Variants in FRAS1 observed in about 807,000 individuals in gnomAD.
FRAS1 encodes extracellular matrix organizing protein FRAS1.
FRAS1 carries 290 observed loss-of-function variants against 435.2 expected under a neutral mutation model. That is an observed-to-expected ratio of 0.67 (90% CI 0.61 to 0.73). The LOEUF is 0.73. FRAS1 is among the 30% of genes least tolerant of loss of function. The pLI is 0.00. For missense variants in FRAS1, 4,860 were observed against 5,001.5 expected (o/e 0.97, Z 0.85); for synonymous variants, 1,800 against 1,851.0 (o/e 0.97, Z 0.71).
intron 20 of FRAS1, among the ~76,000 whole-genome samples, chr4:78,347,755 G>C (rs1389003943): frequency 6.8e-6 from 1 of 146,946 alleles, no homozygotes; most frequent in Non-Finnish European, 1.5e-5. Flanking sequence ...ATGTGTATGT[G>C]TGTGTGTGTA....
At chr4:78,091,623 TTGTGTGTG>T (rs10631175) in intron 2 of FRAS1, among the ~76,000 whole-genome samples, 1,523 of 148,192 alleles carry the variant, frequency 0.01, 29 homozygotes, top group African/African-American at 0.036. Flanking sequence ...ACACGTGTGT[TTGTGTGTG>T]TGTGTGTGTG....
chr4:78,335,147 G>A (rs1049748926), intron 19 of FRAS1, among the ~76,000 whole-genome samples: 28 of 152,086 alleles, frequency 1.8e-4, no homozygotes, highest in African/African-American at 6.3e-4. Context: ...CTCTTAATGA[G>A]GTACTGCTCT....
intron 2 of FRAS1, among the ~76,000 whole-genome samples, chr4:78,152,607 CTTTTTTTTTT>C (rs71214398): frequency 1.4e-5 from 1 of 72,412 alleles, no homozygotes. Flanking sequence ...ATGTAGGCTG[CTTTTTTTTTT>C]TTTTTTTTTT....
chr4:78,488,795 C>G, intron 58 of FRAS1, 80 bp from the exon 59 acceptor site: 1 of 1,338,626 alleles, frequency 7.5e-7, no homozygotes, highest in Admixed American at 2.1e-5. Context: ...AAAATAGCTG[C>G]TGAAGGCTGA....
At chr4:78,356,307 A>G (rs973503905) in intron 20 of FRAS1, among the ~76,000 whole-genome samples, 1 of 152,094 alleles carries the variant, frequency 6.6e-6, no homozygotes, top group Admixed American at 6.5e-5. Context: ...GGGCCTTCAA[A>G]TTCTCCATGA....
intron 58 of FRAS1, among the ~76,000 whole-genome samples, chr4:78,483,985 C>T (rs6850657): frequency 6.6e-6 from 1 of 151,354 alleles, no homozygotes; most frequent in Non-Finnish European, 1.5e-5. Flanking sequence ...GATATGCTCA[C>T]TACCACAATC....
intron 2 of FRAS1, among the ~76,000 whole-genome samples, chr4:78,195,025 G>A (rs1237996980): frequency 1.3e-5 from 2 of 152,170 alleles, no homozygotes; most frequent in African/African-American, 2.4e-5. Context: ...GTTGGAGTTT[G>A]CTGGAGGTCC....
At chr4:78,448,386 A>T (rs1397919138) in intron 44 of FRAS1, 70 bp downstream of exon 44, 2 of 1,398,214 alleles carry the variant, frequency 1.4e-6, no homozygotes, top group Admixed American at 4.6e-5. Flanking sequence ...AGTATGCAGT[A>T]CTTTCTTCCA....
At chr4:78,206,418 GC>G (rs987423611) in intron 2 of FRAS1, among the ~76,000 whole-genome samples, 1 of 152,132 alleles carries the variant, frequency 6.6e-6, no homozygotes, top group African/African-American at 2.4e-5. Context: ...CTTTAGCCCA[GC>G]TAAACCAATT....
At chr4:78,218,321 T>C (rs945942860) in intron 2 of FRAS1, among the ~76,000 whole-genome samples, 7 of 151,664 alleles carry the variant, frequency 4.6e-5, no homozygotes, top group African/African-American at 1.7e-4. Flanking sequence ...GCTCTCTTTT[T>C]GTGCATAGAG....
intron 41 of FRAS1, 94 bp from the exon 42 acceptor site, chr4:78,445,428 T>C: frequency 7.1e-7 from 1 of 1,417,108 alleles, no homozygotes; most frequent in Non-Finnish European, 9.3e-7. Flanking sequence ...CATTTTCTTT[T>C]TTTTTGCCGA....
chr4:78,474,061 A>G (rs1364149360), intron 53 of FRAS1, among the ~76,000 whole-genome samples: 1 of 152,222 alleles, frequency 6.6e-6, no homozygotes, highest in Non-Finnish European at 1.5e-5. Context: ...AAGTTTGGAA[A>G]ATAATCACTG....
intron 1 of FRAS1, 39 bp from the exon 2 acceptor site, chr4:78,065,946 A>T: frequency 6.5e-7 from 1 of 1,544,596 alleles, no homozygotes; most frequent in Non-Finnish European, 8.9e-7. Context: ...TTGGTTTATT[A>T]TGCATCCCTT....
intron 2 of FRAS1, among the ~76,000 whole-genome samples, chr4:78,092,080 T>C (rs1383050375): frequency 6.6e-6 from 1 of 151,892 alleles, no homozygotes; most frequent in Non-Finnish European, 1.5e-5. Context: ...GGCTGGTGGT[T>C]CTGGAGCTAT....
At chr4:78,207,560 C>T (rs1433514039) in intron 2 of FRAS1, among the ~76,000 whole-genome samples, 15 of 152,184 alleles carry the variant, frequency 9.9e-5, no homozygotes, top group Non-Finnish European at 1.0e-4. Flanking sequence ...ATGATAGATA[C>T]TTGCTTCTAG....
At chr4:78,482,265 T>C (rs532524479) in intron 57 of FRAS1, 123 bp from the exon 58 acceptor site, 44 of 1,098,826 alleles carry the variant, frequency 4.0e-5, no homozygotes, top group Admixed American at 1.6e-4. Flanking sequence ...CATCATGTTA[T>C]GGATTAGAAA....
intron 1 of FRAS1, among the ~76,000 whole-genome samples, chr4:78,058,942 G>A (rs1020548206): frequency 2.0e-5 from 3 of 152,254 alleles, no homozygotes. Context: ...AGGAGCCAGG[G>A]AAGTCGCCCC....
chr4:78,089,153 A>T lies in FRAS1; in HGVS notation c.108+23137A>T, dbSNP rs556367302. Among the ~76,000 whole-genome samples the T allele has an allele frequency of 2.0e-4, 31 of 152,106 alleles. No homozygotes were observed. The East Asian group carries it at 2.5e-3, about 12-fold the overall frequency. ...AGGGACATGGATGAAGCTGGAAACC[A>T]TCATTCTCAGCAAACTATCGCAAGG... On this transcript the variant is annotated intron_variant, in intron 2 of 73. Transcript: ENST00000512123.
In FRAS1 at chr4:78,364,019, C is replaced by G; in HGVS notation, c.2687C>G (p.Pro896Arg). 6.2e-7 allele frequency: 1 copy of G among 1,602,148 alleles called. No individual in the cohort carries two copies. The highest frequency in any genetic ancestry group is 8.5e-7 in the Non-Finnish European group (1 of 1,173,970). Residue 896 changes from proline (P) to arginine (R), a missense_variant, in exon 22 of 74, where the codon CCT (proline) becomes CGT (arginine). Transcript: ENST00000512123. ...GGCACCTGCAGCACCACCTGCTTCC[C>G]TGGGCACTATCTTGATGACAATCAT... Reference protein sequence around the residue: ...HTGTCSTTCFPGHYLDDNHVC... With the variant: ...HTGTCSTTCFRGHYLDDNHVC...
Sources: gnomAD v4.1 joint callset for allele counts (sites outside exome capture counted in the v4.1 genomes callset) on GRCh38, gnomAD v4.1.1 for gene constraint, MANE v1.5 for transcripts, NCBI Gene and HGNC (gene_info 2026-07-23, HGNC 2026-07-21) for gene names.